The following TSNARE1 variants were observed in gnomAD, a reference collection of about 807,000 sequenced individuals.
TSNARE1 encodes the protein t-SNARE domain containing 1.
In TSNARE1, 49 loss-of-function variants were observed where a neutral mutation model predicts 62.0. The observed-to-expected ratio is 0.79, with a 90% CI of 0.63 to 1.00. TSNARE1 has a LOEUF of 1.00. TSNARE1 is among the 50% of genes least tolerant of loss of function. TSNARE1 has a pLI of 0.00. For synonymous variants in TSNARE1, 328 were observed against 294.4 expected, an observed-to-expected ratio of 1.11 and a Z score of -1.17; for missense variants, 755 against 700.1, an observed-to-expected ratio of 1.08 and a Z score of -0.88.
At position 142,237,159 on chromosome 8, in the gene TSNARE1, C is replaced by A. The variant is rs537510132; in HGVS notation, c.1447-7580G>T. 3.0e-3 allele frequency among the ~76,000 whole-genome samples: 461 copies of A among 152,138 alleles called. 1 individual carries two copies. Among genetic ancestry groups the A allele is most frequent in the Non-Finnish European group, 5.3e-3 (357 of 67,984 alleles). ...ACCTCCTGCTCAGCCTCCCCTCCTG[C>A]GGCCCGACTCACCTGCCGCCTGCAG... On this transcript the variant is annotated intron_variant, in intron 12 of 13. Transcript: ENST00000524325.
At chr8:142,314,738 G>A (rs955270200) in intron 8 of TSNARE1, among the ~76,000 whole-genome samples, 1 of 152,236 alleles carries the variant, frequency 6.6e-6, no homozygotes, top group Non-Finnish European at 1.5e-5. Flanking sequence ...TCACCTGTCA[G>A]AGCAGGGTGA....
intron 12 of TSNARE1, among the ~76,000 whole-genome samples, chr8:142,241,872 G>A (rs1008949371): frequency 2.0e-5 from 3 of 151,246 alleles, no homozygotes; most frequent in African/African-American, 4.8e-5. Flanking sequence ...ATGGAAGACC[G>A]ACATGTGAGA....
At chr8:142,258,988 C>T (rs1439505277) in intron 12 of TSNARE1, among the ~76,000 whole-genome samples, 1 of 152,190 alleles carries the variant, frequency 6.6e-6, no homozygotes, top group Non-Finnish European at 1.5e-5. Context: ...CCCAAGGGGC[C>T]CCTGAGCCAC....
At chr8:142,403,594 G>C (rs1384186586), upstream of TSNARE1, 2 of 152,262 alleles carry the variant, frequency 1.3e-5, no homozygotes, top group Non-Finnish European at 2.9e-5. Flanking sequence ...TGCGCGTCTC[G>C]CGCTGCGGGG....
At chr8:142,282,425 T>C (rs1403175035) in intron 11 of TSNARE1, among the ~76,000 whole-genome samples, 3 of 149,690 alleles carry the variant, frequency 2.0e-5, no homozygotes, top group Non-Finnish European at 4.5e-5. Flanking sequence ...TGTCTATTAA[T>C]GAGCGGAGCA....
intron 1 of TSNARE1, among the ~76,000 whole-genome samples, chr8:142,395,992 G>A (rs1587151952): frequency 6.6e-6 from 1 of 151,446 alleles, no homozygotes; most frequent in South Asian, 2.1e-4. Flanking sequence ...CAGGGCAGAC[G>A]CCTGTGGCTC....
At chr8:142,215,086 C>G (rs1439144534) in intron 13 of TSNARE1, among the ~76,000 whole-genome samples, 1 of 152,228 alleles carries the variant, frequency 6.6e-6, no homozygotes, top group Non-Finnish European at 1.5e-5. Context: ...CTGTCCTGTC[C>G]ATGGAGGTGT....
intron 12 of TSNARE1, among the ~76,000 whole-genome samples, chr8:142,256,311 CAT>C (rs1818553192): frequency 9.3e-6 from 1 of 107,400 alleles, no homozygotes; most frequent in Non-Finnish European, 2.0e-5. Flanking sequence ...CCACCACCAT[CAT>C]CACCACCATC....
chr8:142,380,836 A>C (rs1587091874), intron 1 of TSNARE1, among the ~76,000 whole-genome samples: 2 of 152,298 alleles, frequency 1.3e-5, no homozygotes, highest in East Asian at 3.9e-4. Flanking sequence ...GTTTTCTACA[A>C]GGAACGAGTA....
chr8:142,404,621 A>G (rs1838536885), upstream of TSNARE1: 3 of 152,290 alleles, frequency 2.0e-5, no homozygotes, highest in Non-Finnish European at 2.9e-5. Context: ...CAGCCTCGCC[A>G]TGATTTGGAC....
chr8:142,406,475 C>T (rs537996557), upstream of TSNARE1: 1 of 152,438 alleles, frequency 6.6e-6, no homozygotes, highest in East Asian at 1.9e-4. Flanking sequence ...CTGGAACAGC[C>T]TGGAGGAGCT....
chr8:142,256,956 G>A (rs1013626621), intron 12 of TSNARE1, among the ~76,000 whole-genome samples: 1 of 152,178 alleles, frequency 6.6e-6, no homozygotes, highest in Admixed American at 6.5e-5. Context: ...ACAGGTATTG[G>A]AGGGAAAACA....
chr8:142,356,240 C>T (rs1455032141), intron 1 of TSNARE1, among the ~76,000 whole-genome samples: 4 of 152,208 alleles, frequency 2.6e-5, no homozygotes, highest in Non-Finnish European at 5.9e-5. Context: ...CGCACGAAAA[C>T]ACCCGGCCCC....
chr8:142,268,876 A>T (rs1376603780), intron 12 of TSNARE1, among the ~76,000 whole-genome samples: 2 of 152,254 alleles, frequency 1.3e-5, no homozygotes, highest in South Asian at 4.1e-4. Flanking sequence ...CTGCCTTGCC[A>T]GCTCCAGGTC....
At chr8:142,229,687 C>T (rs978272879) in intron 12 of TSNARE1, 108 bp from the exon 13 acceptor site, 54 of 880,816 alleles carry the variant, frequency 6.1e-5, no homozygotes, top group Non-Finnish European at 8.7e-5. Flanking sequence ...GGGCTGAGTC[C>T]ACCCTGGGGC....
intron 9 of TSNARE1, among the ~76,000 whole-genome samples, chr8:142,303,786 G>A (rs1304409495): frequency 6.6e-6 from 1 of 152,248 alleles, no homozygotes; most frequent in Non-Finnish European, 1.5e-5. Context: ...AGTCTGCCGA[G>A]ACGGCTGGTG....
At chr8:142,277,395 C>T (rs1820678182) in intron 11 of TSNARE1, 1 of 985,280 alleles carries the variant, frequency 1.0e-6, no homozygotes, top group Non-Finnish European at 1.2e-6. Context: ...GTGGGAGACC[C>T]CCCTGCACTG....
intron 11 of TSNARE1, among the ~76,000 whole-genome samples, chr8:142,279,356 G>A (rs1821020104): frequency 6.6e-6 from 1 of 152,222 alleles, no homozygotes; most frequent in Non-Finnish European, 1.5e-5. Flanking sequence ...GCCAAGATGG[G>A]GGCCTTGGAG....
intron 13 of TSNARE1, among the ~76,000 whole-genome samples, chr8:142,222,958 A>AT: frequency 6.6e-6 from 1 of 150,602 alleles, no homozygotes; most frequent in South Asian, 2.1e-4. Flanking sequence ...TCATCCACTC[A>AT]CTCACTCATT....
Sources: allele counts gnomAD v4.1 joint callset (sites outside exome capture counted in the v4.1 genomes callset), GRCh38; gene constraint gnomAD v4.1.1; transcripts MANE v1.5; gene names NCBI Gene and HGNC (gene_info 2026-07-23, HGNC 2026-07-21).